Variants in NPAS3 observed in about 807,000 individuals in gnomAD.
The protein encoded by NPAS3 is neuronal PAS domain-containing protein 3.
NPAS3 carries 14 observed loss-of-function variants against 73.1 expected under a neutral mutation model. The observed-to-expected ratio is 0.19, with a 90% confidence interval of 0.13 to 0.30. NPAS3 has a LOEUF of 0.30. NPAS3 is among the 10% of genes least tolerant of loss of function. NPAS3 has a pLI of 1.00. For synonymous variants in NPAS3, 620 were observed against 541.5 expected (o/e 1.14, Z -2.01); for missense variants, 1,096 against 1,250.0 (o/e 0.88, Z 1.86).
At chr14:33,142,839 C>T (rs188961218) in intron 2 of NPAS3, among the ~76,000 whole-genome samples, 11 of 152,328 alleles carry the variant, frequency 7.2e-5, no homozygotes, top group South Asian at 2.1e-4. Flanking sequence ...CGGTGGCTCA[C>T]GCCTGTAATC....
intron 6 of NPAS3, among the ~76,000 whole-genome samples, chr14:33,704,324 G>C (rs1050585984): frequency 2.0e-5 from 3 of 152,130 alleles, no homozygotes; most frequent in Non-Finnish European, 4.4e-5. Flanking sequence ...CAACAGAATT[G>C]TAGCTAAAAA....
At chr14:33,313,878 GT>G (rs1566787371) in intron 3 of NPAS3, among the ~76,000 whole-genome samples, 1 of 151,882 alleles carries the variant, frequency 6.6e-6, no homozygotes, top group East Asian at 1.9e-4. Flanking sequence ...ACTGCTAAGT[GT>G]TTTTTTAAGC....
At chr14:33,328,768 T>C (rs775073616) in intron 3 of NPAS3, among the ~76,000 whole-genome samples, 7 of 152,120 alleles carry the variant, frequency 4.6e-5, no homozygotes, top group Non-Finnish European at 7.3e-5. Context: ...GTTTTCCCAA[T>C]TGTGACTTTC....
Position 33,456,643 on chromosome 14 carries a change from A to G in NPAS3, c.468+89375A>G, listed in dbSNP as rs893290575. ...ATCAGGGAAAGCTTTATAACGACTCATATATTAGACAGCCTGAGACCGCAC... is the reference window on the plus strand; with the variant it reads ...ATCAGGGAAAGCTTTATAACGACTCGTATATTAGACAGCCTGAGACCGCAC... On this transcript the variant is annotated intron_variant, in intron 4 of 11. Coordinates refer to ENST00000356141, the Ensembl canonical transcript of NPAS3. 4.6e-5 allele frequency among the ~76,000 whole-genome samples: 7 copies of G among 152,288 alleles called. No individual in the cohort carries two copies. The South Asian group carries it at 1.5e-3, about 32-fold the overall frequency.
intron 3 of NPAS3, among the ~76,000 whole-genome samples, chr14:33,285,963 C>G (rs1185760316): frequency 1.3e-5 from 2 of 152,172 alleles, no homozygotes; most frequent in East Asian, 1.9e-4. Context: ...CCCAACCTAT[C>G]CTACCCTTAA....
At chr14:33,139,073 C>T (rs1411784744) in intron 2 of NPAS3, among the ~76,000 whole-genome samples, 2 of 152,148 alleles carry the variant, frequency 1.3e-5, no homozygotes, top group African/African-American at 4.8e-5. Flanking sequence ...TTATGACTTA[C>T]TCCCAGTGGT....
At chr14:33,440,289 A>T (rs1412237664) in intron 4 of NPAS3, among the ~76,000 whole-genome samples, 1 of 151,998 alleles carries the variant, frequency 6.6e-6, no homozygotes, top group Non-Finnish European at 1.5e-5. Flanking sequence ...TTGATGATAC[A>T]CAGAGGATGC....
chr14:33,563,031 T>C (rs980531881), intron 5 of NPAS3, among the ~76,000 whole-genome samples: 1 of 152,164 alleles, frequency 6.6e-6, no homozygotes, highest in African/African-American at 2.4e-5. Flanking sequence ...TGGACCCTCC[T>C]TTCCTTTCCA....
At chr14:33,154,801 TTGAAATGATTTTGA>T (rs1292516152) in intron 2 of NPAS3, among the ~76,000 whole-genome samples, 1 of 152,322 alleles carries the variant, frequency 6.6e-6, no homozygotes, top group Non-Finnish European at 1.5e-5. Flanking sequence ...TGTACTATGT[TTGAAATGATTTTGA>T]TATTGTTATT....
chr14:33,402,789 A>G (rs1390218774), intron 4 of NPAS3, among the ~76,000 whole-genome samples: 2 of 152,172 alleles, frequency 1.3e-5, no homozygotes, highest in African/African-American at 2.4e-5. Flanking sequence ...TGCTGGCTGT[A>G]GAGGCCTTGG....
At chr14:32,975,575 T>G (rs1295763034) in intron 1 of NPAS3, among the ~76,000 whole-genome samples, 1 of 152,192 alleles carries the variant, frequency 6.6e-6, no homozygotes, top group African/African-American at 2.4e-5. Context: ...CAAAGGAGAT[T>G]TATAAGGAAA....
intron 1 of NPAS3, among the ~76,000 whole-genome samples, chr14:33,046,906 G>A (rs1321250166): frequency 2.6e-5 from 4 of 152,088 alleles, no homozygotes; most frequent in South Asian, 2.1e-4. Context: ...CCTGGGAGGC[G>A]GAGGTTGCAG....
chr14:33,289,050 G>A (rs548599349), intron 3 of NPAS3, among the ~76,000 whole-genome samples: 10 of 152,244 alleles, frequency 6.6e-5, no homozygotes, highest in East Asian at 3.9e-4. Context: ...AGTCACTTAC[G>A]GAGAGAAATA....
At position 33,019,710 on chromosome 14, in the gene NPAS3, C is replaced by A. The variant is rs140124289; in HGVS notation, c.51-36195C>A. Among the ~76,000 whole-genome samples, 19 of 152,254 alleles carry A rather than the reference C, an allele frequency of 1.2e-4. No homozygotes were observed. The East Asian group carries it at 3.5e-3, about 28-fold the overall frequency. On this transcript the variant is annotated intron_variant, in intron 1 of 11. Transcript: ENST00000356141. ...TTTCATAGCATTCTGAGATTGAAAT[C>A]AATATTCGTTTGGAGTGCAACAACT...
At chr14:33,626,185 T>C (rs967447740) in intron 5 of NPAS3, among the ~76,000 whole-genome samples, 1 of 152,162 alleles carries the variant, frequency 6.6e-6, no homozygotes, top group Admixed American at 6.6e-5. Flanking sequence ...GGAGAGGGAA[T>C]GAAAATGAAT....
chr14:33,509,675 G>A (rs2052944230), intron 4 of NPAS3, among the ~76,000 whole-genome samples: 1 of 151,966 alleles, frequency 6.6e-6, no homozygotes, highest in East Asian at 1.9e-4. Context: ...GTACTTGGAA[G>A]GAAAGAGTAA....
At chr14:33,658,064 A>G (rs527562426) in intron 5 of NPAS3, among the ~76,000 whole-genome samples, 4 of 152,342 alleles carry the variant, frequency 2.6e-5, no homozygotes, top group African/African-American at 4.8e-5. Flanking sequence ...TCTTTCTGCT[A>G]TGGTTTCTTT....
In NPAS3 at chr14:33,352,151, G is replaced by A. The variant is rs548755415; in HGVS notation, c.386-15035G>A. Among the ~76,000 whole-genome samples, 41 of 152,250 alleles carry A rather than the reference G, an allele frequency of 2.7e-4. No homozygotes were observed. In the South Asian group the frequency reaches 4.8e-3, roughly 18 times the overall value. ...GTTTAGCAAATACCTCTTATGGGTC[G>A]GATATTGTCTTAGGCACTTCATGTA... On this transcript the variant is annotated intron_variant, in intron 3 of 11. Transcript: ENST00000356141.
In NPAS3 at chr14:33,696,669, T is replaced by C. The variant is rs557802750; in HGVS notation, c.733+20284T>C. On this transcript the variant is annotated intron_variant, in intron 6 of 11. Coordinates refer to ENST00000356141, the Ensembl canonical transcript of NPAS3. ...TAGATTATCCGATGAAATTCATTCC[T>C]CCACCTAACTAAATCTCTATGTAAT... 7.2e-5 allele frequency among the ~76,000 whole-genome samples: 11 copies of C among 152,304 alleles called. No individual in the cohort carries two copies. In the East Asian group the frequency reaches 2.1e-3, roughly 29 times the overall value.
Sources: gnomAD v4.1 joint callset for allele counts (sites outside exome capture counted in the v4.1 genomes callset) on GRCh38, gnomAD v4.1.1 for gene constraint, MANE v1.5 for transcripts, NCBI Gene and HGNC (gene_info 2026-07-23, HGNC 2026-07-21) for gene names.